Variants in ZBTB20 observed in about 807,000 individuals in gnomAD.
The protein encoded by ZBTB20 is zinc finger and BTB domain containing 20.
A neutral mutation model predicts 56.9 loss-of-function variants in ZBTB20; 9 were observed. The ratio of observed to expected loss-of-function variants is 0.16; its 90% CI spans 0.10 to 0.28. ZBTB20 has a LOEUF of 0.28. Among genes scored for constraint, ZBTB20 ranks in the 10% least tolerant of loss-of-function variants. ZBTB20 has a pLI of 1.00. For missense variants in ZBTB20, 655 were observed against 1,003.0 expected (o/e 0.65, Z 4.69); for synonymous variants, 417 against 420.7 (o/e 0.99, Z 0.11).
chr3:114,410,161 C>T, intron 7 of ZBTB20, among the ~76,000 whole-genome samples: 1 of 152,028 alleles, frequency 6.6e-6, no homozygotes, highest in Non-Finnish European at 1.5e-5. Context: ...CAATGGATGC[C>T]AGGACATGGG....
intron 5 of ZBTB20, among the ~76,000 whole-genome samples, chr3:114,728,498 T>TA (rs1479251315): frequency 6.6e-6 from 1 of 152,002 alleles, no homozygotes; most frequent in African/African-American, 2.4e-5. Context: ...CTGCCCAAAG[T>TA]AAAAAAATGG....
At chr3:114,882,275 C>G (rs557158492) in intron 4 of ZBTB20, among the ~76,000 whole-genome samples, 9 of 151,880 alleles carry the variant, frequency 5.9e-5, no homozygotes, top group Non-Finnish European at 2.9e-5. Context: ...TTTCACTTTT[C>G]TGATTAGGAA....
intron 3 of ZBTB20, among the ~76,000 whole-genome samples, chr3:114,973,068 T>C (rs2077953465): frequency 6.6e-6 from 1 of 152,240 alleles, no homozygotes; most frequent in Admixed American, 6.5e-5. Flanking sequence ...CTGAAAATTA[T>C]ATTGCTAAAA....
intron 3 of ZBTB20, among the ~76,000 whole-genome samples, chr3:114,911,378 A>G (rs1189301038): frequency 6.6e-6 from 1 of 151,952 alleles, no homozygotes; most frequent in Non-Finnish European, 1.5e-5. Flanking sequence ...TGAGGATCCT[A>G]AAAGGGAGCT....
intron 6 of ZBTB20, among the ~76,000 whole-genome samples, chr3:114,678,869 G>T (rs2061796264): frequency 6.6e-6 from 1 of 152,166 alleles, no homozygotes; most frequent in African/African-American, 2.4e-5. Context: ...AACAACAAAT[G>T]TGATCTGAAA....
intron 7 of ZBTB20, among the ~76,000 whole-genome samples, chr3:114,493,187 T>C (rs2042926017): frequency 6.6e-6 from 1 of 152,352 alleles, no homozygotes; most frequent in South Asian, 2.1e-4. Flanking sequence ...TTAAAACCAG[T>C]TATTGTATGC....
chr3:114,834,448 C>G (rs1579076696), intron 4 of ZBTB20, among the ~76,000 whole-genome samples: 1 of 152,094 alleles, frequency 6.6e-6, no homozygotes, highest in East Asian at 1.9e-4. Flanking sequence ...GTAAGTTCGT[C>G]TCTTAGTCTT....
intron 6 of ZBTB20, among the ~76,000 whole-genome samples, chr3:114,565,210 T>A (rs145955962): frequency 1.3e-5 from 2 of 152,212 alleles, no homozygotes; most frequent in Non-Finnish European, 2.9e-5. Flanking sequence ...ACTTTTGACA[T>A]GAAACACGCA....
intron 4 of ZBTB20, among the ~76,000 whole-genome samples, chr3:114,831,912 C>T (rs1017678168): frequency 1.3e-5 from 2 of 152,008 alleles, no homozygotes; most frequent in Non-Finnish European, 2.9e-5. Flanking sequence ...CCTATTCCAC[C>T]TGGACCCTGC....
intron 7 of ZBTB20, among the ~76,000 whole-genome samples, chr3:114,416,113 A>G (rs2088520463): frequency 6.6e-6 from 1 of 151,958 alleles, no homozygotes; most frequent in Non-Finnish European, 1.5e-5. Context: ...TTGAGCCACT[A>G]CCTCTTTGTA....
chr3:114,322,705 C>T lies in ZBTB20; in HGVS notation c.*16300G>A, dbSNP rs2108004972. On this transcript the variant is annotated 3_prime_UTR_variant, in exon 12 of 12. Coordinates refer to ENST00000675478, the MANE Select transcript of ZBTB20 (RefSeq NM_001348800.3). ...TAAAAGCTCTGGATTTAGTTTCTTACTTAAAACAGAGATAATGCTTTGAGT... is the reference window on the plus strand; with the variant it reads ...TAAAAGCTCTGGATTTAGTTTCTTATTTAAAACAGAGATAATGCTTTGAGT... The T allele has an allele frequency of 6.6e-6, 1 of 152,270 alleles. No individual in the cohort carries two copies. The allele number at this position is 152,270 out of a possible 1,614,324, so 9.4% of individuals were successfully genotyped here. A position where few individuals can be genotyped will look rare whatever the true frequency, so the allele number is the denominator to read the frequency against.
At chr3:114,686,012 A>G (rs909637159) in intron 6 of ZBTB20, among the ~76,000 whole-genome samples, 1 of 152,116 alleles carries the variant, frequency 6.6e-6, no homozygotes, top group Non-Finnish European at 1.5e-5. Flanking sequence ...CAGGACCTGA[A>G]TTTTTTATAT....
intron 2 of ZBTB20, among the ~76,000 whole-genome samples, chr3:114,979,551 T>C (rs952717191): frequency 6.6e-6 from 1 of 151,946 alleles, no homozygotes; most frequent in Non-Finnish European, 1.5e-5. Context: ...TCCCAATGAG[T>C]ACAAAATGAA....
At chr3:115,142,998 C>A (rs1576841721) in intron 1 of ZBTB20, among the ~76,000 whole-genome samples, 1 of 152,060 alleles carries the variant, frequency 6.6e-6, no homozygotes, top group African/African-American at 2.4e-5. Flanking sequence ...GTAAGACTCA[C>A]CATGACAGAT....
In ZBTB20 at chr3:114,787,368, T is replaced by TATATATATACACATAC. The variant is rs1433434685; in HGVS notation, c.-343+13732_-343+13733insGTATGTGTATATATAT. On this transcript the variant is annotated intron_variant, in intron 5 of 11. Transcript: ENST00000675478. ...ATATATATATATATATATATATATATACACACACACACACACACACACACA... is the reference window on the plus strand; with the variant it reads ...ATATATATATATATATATATATATATATATATATACACATACACACACACACACACACACACACACA... Among the ~76,000 whole-genome samples, 168 of 106,286 alleles carry TATATATATACACATAC rather than the reference T, an allele frequency of 1.6e-3. 3 individuals carry two copies. Among genetic ancestry groups the TATATATATACACATAC allele is most frequent in the South Asian group, 6.4e-3 (24 of 3,750 alleles). The allele number at this position is 106,286 out of a possible 152,430, so 69.7% of individuals were successfully genotyped here.
chr3:114,847,254 A>T (rs1579136361), intron 4 of ZBTB20, among the ~76,000 whole-genome samples: 1 of 150,278 alleles, frequency 6.7e-6, no homozygotes, highest in East Asian at 2.0e-4. Flanking sequence ...ATTACTTCAG[A>T]TTTGGGACCT....
At position 114,538,140 on chromosome 3, in the gene ZBTB20, A is replaced by AT. The variant is rs571539549; in HGVS notation, c.-294-37750_-294-37749insA. On this transcript the variant is annotated intron_variant, in intron 6 of 11. Coordinates refer to ENST00000675478, the MANE Select transcript of ZBTB20 (RefSeq NM_001348800.3). ...AGAACTTAAAAGTATAATAATAATA[A>AT]AAAAAAGATCTAATGGCTAAACCTA... Among the ~76,000 whole-genome samples the AT allele has an allele frequency of 1.4e-3, 206 of 152,162 alleles. 3 individuals carry two copies. The highest frequency in any genetic ancestry group is 2.8e-4 in the Non-Finnish European group (19 of 67,946).
In ZBTB20 at chr3:114,337,671, T is replaced by A. The variant is rs2079505360; in HGVS notation, c.*1334A>T. The A allele has an allele frequency of 6.6e-6, 1 of 152,080 alleles. No homozygotes were observed. The highest frequency in any genetic ancestry group is 1.9e-4 in the East Asian group (1 of 5,206). 9.4% of individuals were successfully genotyped at this position (152,080 alleles called of 1,614,324 possible). On this transcript the variant is annotated 3_prime_UTR_variant, in exon 12 of 12. Coordinates refer to ENST00000675478, the MANE Select transcript of ZBTB20 (RefSeq NM_001348800.3). Reference sequence around the variant, plus strand: ...GGCCCTCATCAACCCAGGCAATACTTAAAATAATAAAAATTAAGAAAAATT... The same window carrying A: ...GGCCCTCATCAACCCAGGCAATACTAAAAATAATAAAAATTAAGAAAAATT...
At chr3:114,396,495 G>A (rs922793864) in intron 7 of ZBTB20, among the ~76,000 whole-genome samples, 1 of 152,076 alleles carries the variant, frequency 6.6e-6, no homozygotes, top group African/African-American at 2.4e-5. Flanking sequence ...CTTTGAAGTT[G>A]GGAATTATAT....
Sources: gnomAD v4.1 joint callset for allele counts (sites outside exome capture counted in the v4.1 genomes callset) on GRCh38, gnomAD v4.1.1 for gene constraint, MANE v1.5 for transcripts, NCBI Gene and HGNC (gene_info 2026-07-23, HGNC 2026-07-21) for gene names.